Variants in AUTS2 observed in about 807,000 individuals in gnomAD.
The protein encoded by AUTS2 is autism susceptibility gene 2 protein.
Under a neutral mutation model 112.4 loss-of-function variants are expected in AUTS2, and 17 were observed. The observed-to-expected ratio is 0.15, with a 90% CI of 0.10 to 0.23. AUTS2 has a LOEUF of 0.23. Among genes scored for constraint, AUTS2 ranks in the 10% least tolerant of loss-of-function variants. AUTS2 has a pLI of 1.00. For synonymous variants in AUTS2, 751 were observed against 702.7 expected (o/e 1.07, Z -1.09); for missense variants, 1,510 against 1,701.6 (o/e 0.89, Z 1.98).
intron 2 of AUTS2, among the ~76,000 whole-genome samples, chr7:70,026,048 T>C (rs1170112811): frequency 6.6e-6 from 1 of 152,234 alleles, no homozygotes; most frequent in African/African-American, 2.4e-5. Context: ...TGTTATCTGC[T>C]GCCAGACCCC....
At chr7:70,093,523 G>A (rs1399469879) in intron 2 of AUTS2, among the ~76,000 whole-genome samples, 2 of 152,082 alleles carry the variant, frequency 1.3e-5, no homozygotes, top group Non-Finnish European at 2.9e-5. Context: ...ATCTCTAGAG[G>A]GAAGAAATTA....
At chr7:70,139,065 C>T (rs570253898) in intron 4 of AUTS2, among the ~76,000 whole-genome samples, 32 of 152,232 alleles carry the variant, frequency 2.1e-4, no homozygotes, top group African/African-American at 7.5e-4. Context: ...TTTCTGGGCT[C>T]GGGTGATCCT....
At chr7:69,964,990 T>C (rs1484492746) in intron 2 of AUTS2, among the ~76,000 whole-genome samples, 1 of 151,940 alleles carries the variant, frequency 6.6e-6, no homozygotes. Context: ...TCCCTGAAGC[T>C]CTTGTCCTGC....
At chr7:70,350,293 C>T (rs1036301992) in intron 4 of AUTS2, among the ~76,000 whole-genome samples, 6 of 151,880 alleles carry the variant, frequency 4.0e-5, no homozygotes, top group African/African-American at 9.7e-5. Flanking sequence ...AGTGAAATAG[C>T]GATAATTTGA....
chr7:70,375,647 T>C (rs1408991130), intron 4 of AUTS2, among the ~76,000 whole-genome samples: 1 of 152,236 alleles, frequency 6.6e-6, no homozygotes, highest in Non-Finnish European at 1.5e-5. Context: ...TTTATTATTC[T>C]GGGAAGAAAA....
chr7:69,778,262 A>G (rs1233541075), intron 1 of AUTS2, among the ~76,000 whole-genome samples: 29 of 125,482 alleles, frequency 2.3e-4, no homozygotes, highest in Non-Finnish European at 4.8e-4. Flanking sequence ...TTTTTTTTTT[A>G]CTCATTTGGT....
intron 4 of AUTS2, among the ~76,000 whole-genome samples, chr7:70,136,744 A>G (rs146903711): frequency 1.6e-4 from 25 of 152,322 alleles, no homozygotes; most frequent in African/African-American, 5.3e-4. Context: ...TGCAGAGTCC[A>G]TGAGCTATTA....
intron 4 of AUTS2, among the ~76,000 whole-genome samples, chr7:70,432,810 C>G (rs147511645): frequency 0.011 from 1,742 of 152,262 alleles, 13 homozygotes; most frequent in Admixed American, 0.018. Flanking sequence ...TTGGATGGTG[C>G]GCTCCTGCTG....
intron 5 of AUTS2, among the ~76,000 whole-genome samples, chr7:70,659,583 A>G (rs1392925636): frequency 6.6e-6 from 1 of 152,102 alleles, no homozygotes; most frequent in Non-Finnish European, 1.5e-5. Flanking sequence ...TCTCCTAGAG[A>G]TTATTGCAGG....
intron 4 of AUTS2, among the ~76,000 whole-genome samples, chr7:70,430,393 C>T (rs1795606717): frequency 6.6e-6 from 1 of 152,208 alleles, no homozygotes; most frequent in Non-Finnish European, 1.5e-5. Flanking sequence ...TCTGTACATA[C>T]TTGGTACCAT....
chr7:70,393,810 T>C (rs1345320547), intron 4 of AUTS2, among the ~76,000 whole-genome samples: 1 of 152,146 alleles, frequency 6.6e-6, no homozygotes, highest in Non-Finnish European at 1.5e-5. Context: ...AGCATCCAAT[T>C]TGTCTCTTTT....
chr7:69,772,332 G>A (rs577480096), intron 1 of AUTS2, among the ~76,000 whole-genome samples: 1 of 152,178 alleles, frequency 6.6e-6, no homozygotes, highest in Non-Finnish European at 1.5e-5. Context: ...TCTGATGTTG[G>A]ATTCATTCCT....
At chr7:69,959,172 T>C (rs879562169) in intron 2 of AUTS2, among the ~76,000 whole-genome samples, 3 of 152,152 alleles carry the variant, frequency 2.0e-5, no homozygotes, top group Admixed American at 2.0e-4. Flanking sequence ...CTTCCTAATA[T>C]AACTGCTATT....
At chr7:70,275,382 A>C (rs548816163) in intron 4 of AUTS2, among the ~76,000 whole-genome samples, 1 of 152,370 alleles carries the variant, frequency 6.6e-6, no homozygotes, top group South Asian at 2.1e-4. Context: ...AAAAGTCACC[A>C]GGAACTGGGA....
At chr7:69,750,494 T>C (rs1166933021) in intron 1 of AUTS2, among the ~76,000 whole-genome samples, 2 of 150,448 alleles carry the variant, frequency 1.3e-5, no homozygotes, top group Non-Finnish European at 3.0e-5. Flanking sequence ...GTAGTAGTAG[T>C]AGTAGTAGCA....
At chr7:70,655,195 C>T (rs1806706748) in intron 5 of AUTS2, among the ~76,000 whole-genome samples, 1 of 152,208 alleles carries the variant, frequency 6.6e-6, no homozygotes. Flanking sequence ...ATGGCTTTTC[C>T]ACTGTCTCAC....
At chr7:70,681,142 A>G (rs1202548716) in intron 5 of AUTS2, among the ~76,000 whole-genome samples, 3 of 152,144 alleles carry the variant, frequency 2.0e-5, no homozygotes, top group Non-Finnish European at 4.4e-5. Context: ...AGCCCACCAC[A>G]CTTGGCCAGC....
At chr7:70,012,239 A>G (rs1364568092) in intron 2 of AUTS2, among the ~76,000 whole-genome samples, 1 of 152,108 alleles carries the variant, frequency 6.6e-6, no homozygotes, top group Non-Finnish European at 1.5e-5. Context: ...GACAAGCAGG[A>G]TTGGCTGGAG....
At chr7:70,057,762 C>T (rs1247206292) in intron 2 of AUTS2, among the ~76,000 whole-genome samples, 2 of 152,130 alleles carry the variant, frequency 1.3e-5, no homozygotes, top group African/African-American at 4.8e-5. Flanking sequence ...ACATAAAATG[C>T]CATGTTATAA....
Sources: allele counts gnomAD v4.1 joint callset (sites outside exome capture counted in the v4.1 genomes callset), GRCh38; gene constraint gnomAD v4.1.1; transcripts MANE v1.5; gene names NCBI Gene and HGNC (gene_info 2026-07-23, HGNC 2026-07-21).